Variants in SGTA observed in about 807,000 individuals in gnomAD.
The protein encoded by SGTA is small glutamine-rich tetratricopeptide repeat-containing protein alpha.
In SGTA, 22 loss-of-function variants were observed where a neutral mutation model predicts 44.3. The observed-to-expected ratio is 0.50, with a 90% CI of 0.36 to 0.71. SGTA has a LOEUF of 0.71. Ranked by LOEUF, SGTA falls within the 30% of genes least tolerant of loss-of-function variation. The pLI is 0.00. For synonymous variants in SGTA, 174 were observed against 177.6 expected (o/e 0.98, Z 0.16); for missense variants, 341 against 435.9 (o/e 0.78, Z 1.94).
At chr19:2,773,521 G>C (rs12976714) in intron 1 of SGTA, among the ~76,000 whole-genome samples, 10 of 17,034 alleles carry the variant, frequency 5.9e-4, no homozygotes, top group Admixed American at 1.0e-3. Flanking sequence ...CGCGGCCACA[G>C]GGCAGGGACA....
chr19:2,767,353 G>GC lies in SGTA; in HGVS notation c.208-134dup, dbSNP rs1036149370. ...CCGGGGGCTCTGCAGGGGACTCCTG[G>GC]CCCCCCATCATGTGGCCCTGGGCGA... On this transcript the variant is annotated intron_variant, in intron 3 of 11. Transcript: ENST00000221566. The surrounding 1 kb of genome is among the most constrained non-coding windows in gnomAD (Gnocchi z 7.3). 4 of 755,584 alleles carry GC rather than the reference G, an allele frequency of 5.3e-6. No homozygotes were observed. Among genetic ancestry groups the GC allele is most frequent in the Non-Finnish European group, 8.7e-6 (4 of 461,868 alleles). The allele number at this position is 755,584 out of a possible 1,614,324, so 46.8% of individuals were successfully genotyped here.
intron 1 of SGTA, among the ~76,000 whole-genome samples, chr19:2,779,899 G>A (rs767730344): frequency 1.3e-5 from 2 of 152,016 alleles, no homozygotes; most frequent in South Asian, 2.1e-4. Context: ...ACAGTGTATA[G>A]TGAGACCCTA....
At chr19:2,768,569 C>T (rs1326427621) in intron 2 of SGTA, among the ~76,000 whole-genome samples, 1 of 152,226 alleles carries the variant, frequency 6.6e-6, no homozygotes, top group African/African-American at 2.4e-5. Context: ...ACAGGCCATG[C>T]AGGATGCCAA....
intron 1 of SGTA, among the ~76,000 whole-genome samples, chr19:2,782,151 C>T (rs1001317049): frequency 5.9e-5 from 9 of 152,102 alleles, no homozygotes; most frequent in African/African-American, 1.7e-4. Context: ...GGGGTGAGGC[C>T]GTCCTGGGTA....
At position 2,763,790 on chromosome 19, in the gene SGTA, T is replaced by G. The variant is rs759387077; in HGVS notation, c.393-33A>C. On this transcript the variant is annotated intron_variant, in intron 5 of 11. Coordinates refer to ENST00000221566, the MANE Select transcript of SGTA (RefSeq NM_003021.4). This position sits in a 1 kb window ranked among gnomAD's most constrained non-coding sequence, Gnocchi z 5.8. ...AGAAAAGGCAGGGCAGGTCCCTCAC[T>G]GGCGGCTCTGAGCCCAGCGGGCAGC... 1 of 1,582,554 alleles carries G rather than the reference T, an allele frequency of 6.3e-7. No individual in the cohort carries two copies. Among genetic ancestry groups the G allele is most frequent in the East Asian group, 2.3e-5 (1 of 44,260 alleles).
At chr19:2,766,132 C>T (rs1165396129) in intron 4 of SGTA, among the ~76,000 whole-genome samples, 1 of 152,164 alleles carries the variant, frequency 6.6e-6, no homozygotes, top group Non-Finnish European at 1.5e-5. Context: ...AGGAGAATTG[C>T]TTGAACCAGG....
At chr19:2,759,484 C>T (rs926132971) in intron 8 of SGTA, 190 bp from the exon 9 acceptor site, 2 of 588,630 alleles carry the variant, frequency 3.4e-6, no homozygotes, top group African/African-American at 1.9e-5. Flanking sequence ...GCTGTGACCT[C>T]CACATTGTGA....
intron 1 of SGTA, among the ~76,000 whole-genome samples, chr19:2,780,831 A>T (rs549396053): frequency 6.6e-6 from 1 of 152,326 alleles, no homozygotes; most frequent in Non-Finnish European, 1.5e-5. Flanking sequence ...GCACGCCTGT[A>T]ATCACAGAAC....
At chr19:2,781,412 T>C (rs1049264994) in intron 1 of SGTA, among the ~76,000 whole-genome samples, 1 of 152,200 alleles carries the variant, frequency 6.6e-6, no homozygotes, top group Non-Finnish European at 1.5e-5. Flanking sequence ...AAGTTCCCTA[T>C]GGCAACTGTT....
At chr19:2,778,512 C>T (rs1242335672) in intron 1 of SGTA, among the ~76,000 whole-genome samples, 5 of 152,118 alleles carry the variant, frequency 3.3e-5, no homozygotes, top group Admixed American at 1.3e-4. Context: ...CCCCGGCCCC[C>T]GCCGCCACAT....
At position 2,767,981 on chromosome 19, in the gene SGTA, G is replaced by A. The variant is rs566896470; in HGVS notation, c.101-295C>T. ...TGGGGTCCCAATGCTGGGGCTGCCC[G>A]GCTGCGGCGTGGTGGGGGCTTGGCC... On this transcript the variant is annotated intron_variant, in intron 2 of 11. Coordinates refer to ENST00000221566, the MANE Select transcript of SGTA (RefSeq NM_003021.4). The surrounding 1 kb of genome is among the most constrained non-coding windows in gnomAD (Gnocchi z 7.3). 2.6e-5 allele frequency among the ~76,000 whole-genome samples: 4 copies of A among 152,292 alleles called. No individual in the cohort carries two copies. The East Asian group carries it at 5.8e-4, about 22-fold the overall frequency.
chr19:2,768,527 C>T (rs1478391045), intron 2 of SGTA, among the ~76,000 whole-genome samples: 2 of 152,200 alleles, frequency 1.3e-5, no homozygotes, highest in Non-Finnish European at 2.9e-5. Flanking sequence ...GCAAGCAAGA[C>T]CAGCCAGGAG....
intron 7 of SGTA, among the ~76,000 whole-genome samples, chr19:2,762,066 C>T (rs561176893): frequency 6.6e-6 from 1 of 152,248 alleles, no homozygotes; most frequent in African/African-American, 2.4e-5. Context: ...TACAAACAAA[C>T]TAACCCAGAA....
rs1323076106 is a variant in SGTA, at chr19:2,761,970, CT to C, written c.637-449del. 6.6e-6 allele frequency among the ~76,000 whole-genome samples: 1 copy of C among 152,202 alleles called. No individual in the cohort carries two copies. Among genetic ancestry groups the C allele is most frequent in the Non-Finnish European group, 1.5e-5 (1 of 68,026 alleles). ...TTCTGCCGCTTTGACACCTTGGGGC[CT>C]TGCTGGCCTGGCAGAGCCGCCCCCT... On this transcript the variant is annotated intron_variant, in intron 7 of 11. Transcript: ENST00000221566. The surrounding 1 kb of genome is among the most constrained non-coding windows in gnomAD (Gnocchi z 5.7).
rs761381912 is a variant in SGTA at position 2,763,640 on chromosome 19, G to T, written c.497+13C>A. On this transcript the variant is annotated intron_variant, in intron 6 of 11. Coordinates refer to ENST00000221566, the MANE Select transcript of SGTA (RefSeq NM_003021.4). This position sits in a 1 kb window ranked among gnomAD's most constrained non-coding sequence, Gnocchi z 5.8. Reference sequence around the variant, plus strand: ...GAGAGACTGGAAAGGCGCGGCCGTGGACAGGCACTCACCCCATCCTGCCGT... The same window carrying T: ...GAGAGACTGGAAAGGCGCGGCCGTGTACAGGCACTCACCCCATCCTGCCGT... The T allele has an allele frequency of 2.5e-6, 4 of 1,590,972 alleles. No individual in the cohort carries two copies. In the South Asian group the frequency reaches 4.4e-5, roughly 18 times the overall value.
Position 2,763,683 on chromosome 19 carries a change from G to A in SGTA, c.467C>T (p.Pro156Leu). Residue 156 changes from proline (P) to leucine (L), a missense_variant, in exon 6 of 12, where the codon CCG becomes CTG. Coordinates refer to ENST00000221566, the MANE Select transcript of SGTA (RefSeq NM_003021.4). This position sits in a 1 kb window ranked among gnomAD's most constrained non-coding sequence, Gnocchi z 5.8. ...QDCERAICID[P>L]AYSKAYGRMG... ...CCTGCCGTAGGCCTTGCTGTAGGCC[G>A]GGTCAATGCAGATGGCCCGCTCACA... is the stretch of plus-strand genomic sequence containing the variant. The A allele has an allele frequency of 2.5e-6, 4 of 1,613,596 alleles. No individual in the cohort carries two copies. Among genetic ancestry groups the A allele is most frequent in the Non-Finnish European group, 3.4e-6 (4 of 1,179,864 alleles).
At chr19:2,775,878 G>C (rs772807643) in intron 1 of SGTA, among the ~76,000 whole-genome samples, 6 of 152,218 alleles carry the variant, frequency 3.9e-5, no homozygotes, top group Non-Finnish European at 8.8e-5. Flanking sequence ...AAATCTACAA[G>C]AGCTGTGTTT....
chr19:2,767,712 A>T lies in SGTA; in HGVS notation c.101-26T>A. On this transcript the variant is annotated intron_variant, in intron 2 of 11. Transcript: ENST00000221566. This position sits in a 1 kb window ranked among gnomAD's most constrained non-coding sequence, Gnocchi z 7.3. ...CTGAAGCGGGGACAGAGGCGGTCCCATTCATTGCACGCAGCCCCGAGGTTA... is the reference window on the plus strand; with the variant it reads ...CTGAAGCGGGGACAGAGGCGGTCCCTTTCATTGCACGCAGCCCCGAGGTTA... 6.4e-7 allele frequency: 1 copy of T among 1,561,712 alleles called. No homozygotes were observed. Among genetic ancestry groups the T allele is most frequent in the East Asian group, 2.2e-5 (1 of 44,582 alleles).
Position 2,761,946 on chromosome 19 carries a change from TC to T in SGTA, c.637-425del, listed in dbSNP as rs1369247636. 3.9e-5 allele frequency among the ~76,000 whole-genome samples: 6 copies of T among 152,164 alleles called. No individual in the cohort carries two copies. The highest frequency in any genetic ancestry group is 8.8e-5 in the Non-Finnish European group (6 of 68,026). On this transcript the variant is annotated intron_variant, in intron 7 of 11. Coordinates refer to ENST00000221566, the MANE Select transcript of SGTA (RefSeq NM_003021.4). The surrounding 1 kb of genome is among the most constrained non-coding windows in gnomAD (Gnocchi z 5.7). ...ATCATCCCGTGTTGATTTCCTGTATTCTGCCGCTTTGACACCTTGGGGCCTT... is the reference window on the plus strand; with the variant it reads ...ATCATCCCGTGTTGATTTCCTGTATTTGCCGCTTTGACACCTTGGGGCCTT...
Sources: allele counts gnomAD v4.1 joint callset (sites outside exome capture counted in the v4.1 genomes callset), GRCh38; gene constraint gnomAD v4.1.1; non-coding constraint Gnocchi (gnomAD v3.1); transcripts MANE v1.5; gene names NCBI Gene and HGNC (gene_info 2026-07-23, HGNC 2026-07-21).